Variants in KCNIP3 observed in about 807,000 individuals in gnomAD.
KCNIP3 encodes the protein potassium voltage-gated channel interacting protein 3.
In KCNIP3, 28 loss-of-function variants were observed where a neutral mutation model predicts 35.0. That is an observed-to-expected ratio of 0.80 (90% CI 0.59 to 1.10). KCNIP3 has a LOEUF of 1.10. Ranked by LOEUF, KCNIP3 falls within the 50% of genes least tolerant of loss-of-function variation. The pLI, the probability that KCNIP3 is intolerant of heterozygous loss-of-function variation, is 0.00. For synonymous variants in KCNIP3, 134 were observed against 133.8 expected (o/e 1.00, Z -0.01); for missense variants, 295 against 338.4 (o/e 0.87, Z 1.01).
intron 5 of KCNIP3, among the ~76,000 whole-genome samples, chr2:95,381,275 TCACACAGGTGCA>T (rs1316725047): frequency 5.3e-5 from 8 of 151,984 alleles, no homozygotes; most frequent in East Asian, 3.9e-4. Context: ...GTTCACACAC[TCACACAGGTGCA>T]CACACAGGTG....
intron 2 of KCNIP3, chr2:95,355,293 A>C (rs1055233840): frequency 6.6e-6 from 1 of 152,188 alleles, no homozygotes; most frequent in African/African-American, 2.4e-5. Context: ...GTGAGTGTGC[A>C]CAGAGCTTGT....
Position 95,375,190 on chromosome 2 carries a change from C to A in KCNIP3, c.429C>A (p.Asn143Lys). The change falls in exon 5 of 9, where the codon AAC (asparagine) becomes AAA (lysine). Residue 143 changes from asparagine to lysine, a missense_variant. Coordinates refer to ENST00000295225, the MANE Select transcript of KCNIP3 (RefSeq NM_013434.5). ...TCAACGCCTTTGATGCGGACGGGAA[C>A]GGGGCCATCCACTTTGAGGTAGGTC... ...FLFNAFDADG[N>K]GAIHFEDFVV... The A allele has an allele frequency of 4.3e-6, 7 of 1,614,174 alleles. No individual in the cohort carries two copies. Among genetic ancestry groups the A allele is most frequent in the Non-Finnish European group, 5.9e-6 (7 of 1,180,016 alleles).
In KCNIP3 at chr2:95,303,759, A is replaced by G. The variant is rs187116537; in HGVS notation, c.15+6306A>G. 6.6e-5 allele frequency among the ~76,000 whole-genome samples: 10 copies of G among 152,314 alleles called. 1 individual carries two copies. The highest frequency in any genetic ancestry group is 5.9e-4 in the Admixed American group (9 of 15,306). On this transcript the variant is annotated intron_variant, in intron 1 of 8. Transcript: ENST00000295225. ...GCTGGGGCGGCTGTGCCCTGCCAGG[A>G]GGATGCTGCCCCAAGCCTGCCGGCT...
chr2:95,375,328 G>T (rs1680157659), intron 5 of KCNIP3, 120 bp downstream of exon 5: 1 of 912,188 alleles, frequency 1.1e-6, no homozygotes, highest in Non-Finnish European at 1.7e-6. Context: ...GAAGGATCTT[G>T]TGAGTCACCC....
chr2:95,327,451 GCA>G (rs1678822632), intron 2 of KCNIP3, among the ~76,000 whole-genome samples: 1 of 151,918 alleles, frequency 6.6e-6, no homozygotes, highest in South Asian at 2.1e-4. Flanking sequence ...ACCCACACAC[GCA>G]CAGTCACCAT....
At chr2:95,315,407 G>A (rs1678428155) in intron 2 of KCNIP3, among the ~76,000 whole-genome samples, 1 of 152,184 alleles carries the variant, frequency 6.6e-6, no homozygotes, top group Admixed American at 6.5e-5. Context: ...TGGCCCACCT[G>A]ATCGTCCAGT....
intron 2 of KCNIP3, among the ~76,000 whole-genome samples, chr2:95,326,081 ACT>A (rs1226220807): frequency 9.7e-5 from 10 of 103,226 alleles, no homozygotes; most frequent in African/African-American, 3.6e-4. Flanking sequence ...ATACTAACAC[ACT>A]CATATACACA....
intron 2 of KCNIP3, among the ~76,000 whole-genome samples, chr2:95,326,084 CAT>C (rs915386510): frequency 1.2e-3 from 91 of 76,114 alleles, no homozygotes; most frequent in Non-Finnish European, 1.6e-3. Context: ...CTAACACACT[CAT>C]ATACACATAC....
At chr2:95,310,751 G>C (rs1044737798) in intron 2 of KCNIP3, 4 of 556,508 alleles carry the variant, frequency 7.2e-6, no homozygotes, top group Non-Finnish European at 1.3e-5. Context: ...GGTACAGAGA[G>C]CTGGGACCAC....
chr2:95,326,260 ACT>A (rs58013402), intron 2 of KCNIP3, among the ~76,000 whole-genome samples: 116,335 of 151,432 alleles, frequency 0.77, 45,109 homozygotes, highest in African/African-American at 0.87. Context: ...TCACACATAC[ACT>A]CACACATACA....
intron 1 of KCNIP3, among the ~76,000 whole-genome samples, chr2:95,306,065 C>T (rs1291591990): frequency 2.0e-5 from 3 of 152,196 alleles, no homozygotes; most frequent in Non-Finnish European, 4.4e-5. Flanking sequence ...TAGGAAGCTG[C>T]CAGACTGTTC....
At chr2:95,353,716 G>A (rs1038632190) in intron 2 of KCNIP3, among the ~76,000 whole-genome samples, 7 of 152,172 alleles carry the variant, frequency 4.6e-5, no homozygotes, top group Non-Finnish European at 7.3e-5. Context: ...CCTGGGTGCT[G>A]TTGCGAGGCT....
At chr2:95,310,680 C>T in intron 2 of KCNIP3, 160 bp downstream of exon 2, 1 of 761,844 alleles carries the variant, frequency 1.3e-6, no homozygotes, top group Non-Finnish European at 2.2e-6. Context: ...CACCCTTCCC[C>T]ATTCATTGAG....
intron 1 of KCNIP3, among the ~76,000 whole-genome samples, chr2:95,306,132 T>C (rs1678160229): frequency 6.6e-6 from 1 of 152,158 alleles, no homozygotes; most frequent in African/African-American, 2.4e-5. Context: ...TGATTCCGTT[T>C]CTCCACATCC....
chr2:95,307,765 T>G, intron 1 of KCNIP3, among the ~76,000 whole-genome samples: 1 of 152,188 alleles, frequency 6.6e-6, no homozygotes, highest in East Asian at 1.9e-4. Context: ...CAGACGGGGC[T>G]GGGGGTCCCA....
At chr2:95,336,549 A>T (rs1417382249) in intron 2 of KCNIP3, among the ~76,000 whole-genome samples, 2 of 152,080 alleles carry the variant, frequency 1.3e-5, no homozygotes, top group Non-Finnish European at 2.9e-5. Flanking sequence ...ATTTCTATTG[A>T]CTTCATAATC....
Position 95,325,664 on chromosome 2 carries a change from CTCATACACAT to C in KCNIP3, c.181+15145_181+15154del, listed in dbSNP as rs575166913. Among the ~76,000 whole-genome samples, 699 of 148,878 alleles carry C rather than the reference CTCATACACAT, an allele frequency of 4.7e-3. 2 individuals are homozygous for C. The highest frequency in any genetic ancestry group is 7.5e-3 in the Non-Finnish European group (508 of 67,652). Reference sequence around the variant, plus strand: ...ACGCATACACACAAATAGATACACACTCATACACATACACACTCATACACATACACACTCA... The same window carrying C: ...ACGCATACACACAAATAGATACACACACACACTCATACACATACACACTCA... On this transcript the variant is annotated intron_variant, in intron 2 of 8. Transcript: ENST00000295225.
chr2:95,307,186 C>T (rs1678199115), intron 1 of KCNIP3, among the ~76,000 whole-genome samples: 1 of 152,216 alleles, frequency 6.6e-6, no homozygotes, highest in Non-Finnish European at 1.5e-5. Context: ...GCCCGGAACC[C>T]CCACCACCAC....
chr2:95,355,536 C>T (rs565941783), intron 2 of KCNIP3, among the ~76,000 whole-genome samples: 17 of 152,214 alleles, frequency 1.1e-4, no homozygotes, highest in African/African-American at 3.6e-4. Context: ...TAATGTTCCC[C>T]GCCCTGTGTC....
Sources: gnomAD v4.1 joint callset for allele counts (sites outside exome capture counted in the v4.1 genomes callset) on GRCh38, gnomAD v4.1.1 for gene constraint, MANE v1.5 for transcripts, NCBI Gene and HGNC (gene_info 2026-07-23, HGNC 2026-07-21) for gene names.